SEMA3A: variants seen among roughly 807,000 people sequenced by gnomAD.
SEMA3A encodes semaphorin-3A.
In SEMA3A, 29 loss-of-function variants were observed where a neutral mutation model predicts 97.9. The ratio of observed to expected loss-of-function variants is 0.30; its 90% CI spans 0.22 to 0.40. The LOEUF (loss-of-function observed/expected upper bound fraction) is 0.40, where lower values mean the gene tolerates loss of function less well. Among genes scored for constraint, SEMA3A ranks in the 10% least tolerant of loss-of-function variants. SEMA3A has a pLI of 1.00. For missense variants in SEMA3A, 763 were observed against 951.3 expected, an observed-to-expected ratio of 0.80 and a Z score of 2.60; for synonymous variants, 321 against 323.7, an observed-to-expected ratio of 0.99 and a Z score of 0.09.
In SEMA3A at chr7:84,421,829, G is replaced by A. The variant is rs547818259; in HGVS notation, c.-245-49929C>T. 3.3e-5 allele frequency among the ~76,000 whole-genome samples: 5 copies of A among 151,882 alleles called. No homozygotes were observed. In the East Asian group the frequency reaches 9.7e-4, roughly 30 times the overall value. On this transcript the variant is annotated intron_variant, in intron 1 of 3. Transcript: ENST00000424555. ...TGTGATGGATTACATTTACTGATTT[G>A]CATATGTTGAACCAGCCTTGCATCC...
Position 84,060,469 on chromosome 7 carries a change from TA to T in SEMA3A, c.542del (p.Leu181Ter). ...YDPKLLTASL[L>X]IDGELYSGTA... is the part of the protein sequence containing the mutation. ...AATTGATTGTTGACTACGCACCTAT[TA>T]AAAGGGATGCTGTCAGCAGCTTAGG... is the stretch of plus-strand genomic sequence containing the variant. On this transcript the variant is annotated frameshift_variant, in exon 5 of 17. Transcript: ENST00000265362. LOFTEE classifies it high-confidence loss of function. 6.3e-7 allele frequency: 1 copy of T among 1,580,538 alleles called. No individual in the cohort carries two copies. Among genetic ancestry groups the T allele is most frequent in the Non-Finnish European group, 8.6e-7 (1 of 1,167,096 alleles).
chr7:84,095,351 TTATATACATATATATATA>T (rs1472633654), intron 4 of SEMA3A, among the ~76,000 whole-genome samples: 7 of 29,626 alleles, frequency 2.4e-4, no homozygotes, highest in African/African-American at 6.9e-4. Context: ...TTTATATTTT[TTATATACATATATATATA>T]TATATATATA....
At chr7:84,357,044 CCACACA>C (rs529509421) in intron 2 of SEMA3A, among the ~76,000 whole-genome samples, 1 of 151,648 alleles carries the variant, frequency 6.6e-6, no homozygotes, top group East Asian at 1.9e-4. Flanking sequence ...CATCTGAGCA[CCACACA>C]CACTAAATAA....
chr7:84,068,960 G>A (rs542739197), intron 4 of SEMA3A, among the ~76,000 whole-genome samples: 11 of 152,054 alleles, frequency 7.2e-5, no homozygotes, highest in East Asian at 5.8e-4. Flanking sequence ...CTCTTTTACC[G>A]ATACATAATA....
chr7:84,062,574 A>G (rs1793275186), intron 4 of SEMA3A, among the ~76,000 whole-genome samples: 1 of 152,294 alleles, frequency 6.6e-6, no homozygotes, highest in South Asian at 2.1e-4. Context: ...ACCACGCGCG[A>G]GCCGAAGCAG....
At chr7:84,221,856 T>C (rs1472714287) in intron 3 of SEMA3A, among the ~76,000 whole-genome samples, 2 of 152,008 alleles carry the variant, frequency 1.3e-5, no homozygotes, top group Non-Finnish European at 2.9e-5. Context: ...CAAAATGTGA[T>C]ACAGACATGA....
chr7:84,130,592 T>G (rs1206871324), intron 2 of SEMA3A, among the ~76,000 whole-genome samples: 2 of 152,128 alleles, frequency 1.3e-5, no homozygotes, highest in Non-Finnish European at 2.9e-5. Context: ...ATTCAAGAAT[T>G]CAAGATCAGT....
intron 1 of SEMA3A, among the ~76,000 whole-genome samples, chr7:84,142,491 A>G (rs950612687): frequency 1.3e-5 from 2 of 152,186 alleles, no homozygotes; most frequent in Admixed American, 6.6e-5. Flanking sequence ...TAGAGTTAAG[A>G]TAACTATTTC....
intron 1 of SEMA3A, among the ~76,000 whole-genome samples, chr7:84,388,158 A>G (rs936604838): frequency 6.6e-6 from 1 of 152,136 alleles, no homozygotes; most frequent in Non-Finnish European, 1.5e-5. Context: ...TTGAACTTCA[A>G]TGCCTCTGGA....
chr7:83,986,957 A>G (rs1562955660), intron 12 of SEMA3A, among the ~76,000 whole-genome samples: 1 of 149,128 alleles, frequency 6.7e-6, no homozygotes, highest in East Asian at 1.9e-4. Context: ...CTCTTCTCTC[A>G]TCTCTCTCTC....
chr7:84,265,135 G>C lies in SEMA3A; in HGVS notation c.-83+42072C>G, dbSNP rs140465100. Among the ~76,000 whole-genome samples the C allele has an allele frequency of 2.4e-4, 36 of 152,230 alleles. No individual in the cohort carries two copies. In the East Asian group the frequency reaches 7.0e-3, roughly 29 times the overall value. ...ACTTAGAAAGTTAAGGAACTCCCCA[G>C]GAATGAGGACTAATAAATGGCAAAG... is the stretch of plus-strand genomic sequence containing the variant. On this transcript the variant is annotated intron_variant, in intron 3 of 3. Transcript: ENST00000424555.
intron 1 of SEMA3A, among the ~76,000 whole-genome samples, chr7:84,396,302 C>A (rs902891536): frequency 6.7e-6 from 1 of 148,956 alleles, no homozygotes; most frequent in African/African-American, 2.5e-5. Flanking sequence ...AGGGTCAATA[C>A]AAATAAATTC....
intron 6 of SEMA3A, among the ~76,000 whole-genome samples, chr7:84,041,532 C>A (rs188020100): frequency 1.3e-5 from 2 of 152,136 alleles, no homozygotes; most frequent in African/African-American, 4.8e-5. Flanking sequence ...TTTGAATTTT[C>A]AGCATAATTT....
intron 3 of SEMA3A, among the ~76,000 whole-genome samples, chr7:84,247,282 T>C (rs1799496834): frequency 6.6e-6 from 1 of 152,164 alleles, no homozygotes; most frequent in Non-Finnish European, 1.5e-5. Context: ...TTTTAAAACA[T>C]AACTACTTCC....
chr7:84,179,671 C>A (rs1797678585), intron 1 of SEMA3A, among the ~76,000 whole-genome samples: 1 of 151,978 alleles, frequency 6.6e-6, no homozygotes, highest in African/African-American at 2.4e-5. Flanking sequence ...TCTTTCTACT[C>A]CTAGTATTAT....
At chr7:84,325,139 CTATCTATCTATCTATCT>C (rs1429087906) in intron 2 of SEMA3A, among the ~76,000 whole-genome samples, 12 of 151,622 alleles carry the variant, frequency 7.9e-5, no homozygotes, top group Admixed American at 5.3e-4. Context: ...ATCTATCTAT[CTATCTATCTATCTATCT>C]ATCTATCATT....
chr7:84,085,549 GT>G (rs1794307496), intron 4 of SEMA3A, among the ~76,000 whole-genome samples: 1 of 152,018 alleles, frequency 6.6e-6, no homozygotes, highest in Admixed American at 6.6e-5. Context: ...GCTATAAACT[GT>G]AGCACAACTG....
At chr7:84,442,425 T>C (rs141298916) in intron 1 of SEMA3A, among the ~76,000 whole-genome samples, 2 of 152,122 alleles carry the variant, frequency 1.3e-5, no homozygotes, top group Non-Finnish European at 2.9e-5. Flanking sequence ...TTTATAAGAT[T>C]AAAGATGATT....
intron 3 of SEMA3A, among the ~76,000 whole-genome samples, chr7:84,201,967 C>T (rs890389493): frequency 5.9e-5 from 9 of 152,106 alleles, no homozygotes; most frequent in South Asian, 2.1e-4. Context: ...AAACGATGTT[C>T]TCCCAATGCA....
Sources: gnomAD v4.1 joint callset for allele counts (sites outside exome capture counted in the v4.1 genomes callset) on GRCh38, gnomAD v4.1.1 for gene constraint, MANE v1.5 for transcripts, NCBI Gene and HGNC (gene_info 2026-07-23, HGNC 2026-07-21) for gene names.